The following RYR3 variants were observed in gnomAD, a reference collection of about 807,000 sequenced individuals.
RYR3 encodes ryanodine receptor 3.
In RYR3, 207 loss-of-function variants were observed where a neutral mutation model predicts 584.3. The observed-to-expected ratio is 0.35, with a 90% CI of 0.32 to 0.40. The LOEUF (loss-of-function observed/expected upper bound fraction) is 0.40, where lower values mean the gene tolerates loss of function less well. Ranked by LOEUF, RYR3 falls within the 10% of genes least tolerant of loss-of-function variation. The pLI is 1.00. For synonymous variants in RYR3, 2,416 were observed against 2,248.5 expected (o/e 1.07, Z -2.11); for missense variants, 5,616 against 6,089.2 (o/e 0.92, Z 2.59).
Position 33,826,258 on chromosome 15 carries a change from T to C in RYR3, c.11153T>C (p.Val3718Ala). ...GTTTTTCTCTCATTACCAGTCATTG[T>C]TCGGGAACGTGGTAAGTTTCAGTTT... ...GMVTEEGTLI[V>A]RERGEKVLQN... Residue 3718 changes from valine to alanine, a missense_variant, in exon 83 of 104, where the codon GTT becomes GCT. Transcript: ENST00000634891. 1 of 1,613,888 alleles carries C rather than the reference T, an allele frequency of 6.2e-7. No individual in the cohort carries two copies. Among genetic ancestry groups the C allele is most frequent in the Non-Finnish European group, 8.5e-7 (1 of 1,179,758 alleles).
intron 35 of RYR3, among the ~76,000 whole-genome samples, chr15:33,663,186 A>T (rs1447914507): frequency 6.6e-6 from 1 of 152,202 alleles, no homozygotes. Context: ...ACAATGAAAG[A>T]TGGAGAGAAG....
intron 1 of RYR3, among the ~76,000 whole-genome samples, chr15:33,327,748 C>T: frequency 6.6e-6 from 1 of 152,184 alleles, no homozygotes; most frequent in East Asian, 1.9e-4. Context: ...CTCTATCTCT[C>T]TCTCTTCCTT....
intron 1 of RYR3, among the ~76,000 whole-genome samples, chr15:33,443,783 A>C (rs1435978370): frequency 6.6e-6 from 1 of 152,188 alleles, no homozygotes; most frequent in Admixed American, 6.5e-5. Flanking sequence ...GGAAGTGGGA[A>C]GCTCTTTATC....
chr15:33,706,474 T>A (rs1163348056), intron 42 of RYR3, among the ~76,000 whole-genome samples: 5 of 152,220 alleles, frequency 3.3e-5, no homozygotes, highest in Non-Finnish European at 7.3e-5. Context: ...CTCCTATGAA[T>A]GGAACGATAC....
chr15:33,671,551 C>A (rs1596079533), intron 38 of RYR3, among the ~76,000 whole-genome samples: 2 of 152,122 alleles, frequency 1.3e-5, no homozygotes, highest in African/African-American at 2.4e-5. Flanking sequence ...AGTATTGAAA[C>A]CTCTGGAAGA....
chr15:33,620,211 C>CT (rs1015075295), intron 19 of RYR3, among the ~76,000 whole-genome samples: 17 of 152,142 alleles, frequency 1.1e-4, no homozygotes, highest in Non-Finnish European at 2.2e-4. Context: ...CCATGCAGCC[C>CT]TTTCTCACAC....
At chr15:33,805,076 A>G (rs1005525849) in intron 69 of RYR3, among the ~76,000 whole-genome samples, 1 of 152,220 alleles carries the variant, frequency 6.6e-6, no homozygotes, top group East Asian at 1.9e-4. Context: ...TTGTGTATAT[A>G]ACACCAGTTT....
At chr15:33,346,771 T>C (rs1296509523) in intron 1 of RYR3, among the ~76,000 whole-genome samples, 1 of 152,202 alleles carries the variant, frequency 6.6e-6, no homozygotes, top group Non-Finnish European at 1.5e-5. Context: ...GCTTGCTTTA[T>C]TTGTAAAGGC....
intron 3 of RYR3, among the ~76,000 whole-genome samples, chr15:33,518,982 G>A (rs2053759157): frequency 6.6e-6 from 1 of 152,216 alleles, no homozygotes; most frequent in South Asian, 2.1e-4. Context: ...CATAAGATCA[G>A]AGCTGACTAA....
intron 1 of RYR3, among the ~76,000 whole-genome samples, chr15:33,417,232 A>G (rs2043882113): frequency 6.6e-6 from 1 of 152,092 alleles, no homozygotes; most frequent in Non-Finnish European, 1.5e-5. Flanking sequence ...AAAAAATAAT[A>G]TTGGTAATTT....
chr15:33,638,850 G>T (rs1436025983), intron 27 of RYR3, among the ~76,000 whole-genome samples: 3 of 135,442 alleles, frequency 2.2e-5, no homozygotes, highest in African/African-American at 8.2e-5. Flanking sequence ...ATGTCTATGT[G>T]TAAGGAGAAG....
intron 1 of RYR3, among the ~76,000 whole-genome samples, chr15:33,336,782 C>T (rs1318919381): frequency 1.3e-5 from 2 of 151,686 alleles, no homozygotes; most frequent in Non-Finnish European, 2.9e-5. Context: ...TCTGGCCGGG[C>T]GTGGTGGCTC....
intron 1 of RYR3, among the ~76,000 whole-genome samples, chr15:33,421,735 G>A (rs889353872): frequency 1.3e-5 from 2 of 152,094 alleles, no homozygotes; most frequent in East Asian, 3.9e-4. Flanking sequence ...ATTATTCTGT[G>A]AATTATTATT....
intron 5 of RYR3, among the ~76,000 whole-genome samples, chr15:33,537,264 ATCT>A (rs149253547): frequency 0.21 from 31,204 of 151,994 alleles, 5,082 homozygotes; most frequent in African/African-American, 0.45. Flanking sequence ...TCTCAGTTTC[ATCT>A]TCTTAGAAAC....
chr15:33,736,523 A>G (rs944872695), intron 49 of RYR3, among the ~76,000 whole-genome samples, 198 bp downstream of exon 49: 3 of 151,982 alleles, frequency 2.0e-5, no homozygotes, highest in African/African-American at 7.3e-5. Flanking sequence ...AATTGCTCCA[A>G]TTTTCTTTAA....
At chr15:33,580,926 G>T (rs556128431) in intron 13 of RYR3, among the ~76,000 whole-genome samples, 3 of 151,888 alleles carry the variant, frequency 2.0e-5, no homozygotes, top group Non-Finnish European at 4.4e-5. Context: ...CCTCCCATGC[G>T]CTAAGAACAG....
At position 33,328,962 on chromosome 15, in the gene RYR3, T is replaced by G. The variant is rs571195915; in HGVS notation, c.51+17866T>G. On this transcript the variant is annotated intron_variant, in intron 1 of 103. Transcript: ENST00000634891. The stretch of plus-strand genomic sequence containing the variant: ...CTTTTTCAGTCTTTCTCTGGAAATA[T>G]CAGTAAGTACAAGTAAAGTTTAGCT... Among the ~76,000 whole-genome samples, 5 of 152,322 alleles carry G rather than the reference T, an allele frequency of 3.3e-5. No individual in the cohort carries two copies. In the East Asian group the frequency reaches 5.8e-4, roughly 18 times the overall value.
chr15:33,703,474 T>C (rs1168497418), intron 42 of RYR3, among the ~76,000 whole-genome samples: 1 of 152,236 alleles, frequency 6.6e-6, no homozygotes, highest in Admixed American at 6.5e-5. Context: ...TGTTTTGCTG[T>C]GTCCTCACGT....
chr15:33,835,210 C>G (rs920313945), intron 87 of RYR3, 138 bp downstream of exon 87: 22 of 649,058 alleles, frequency 3.4e-5, no homozygotes. Context: ...GTTTTTTAAA[C>G]TGAAGGCCAA....
Sources: gnomAD v4.1 joint callset for allele counts (sites outside exome capture counted in the v4.1 genomes callset) on GRCh38, gnomAD v4.1.1 for gene constraint, MANE v1.5 for transcripts, NCBI Gene and HGNC (gene_info 2026-07-23, HGNC 2026-07-21) for gene names.